Variants in TFB1M observed in about 807,000 individuals in gnomAD.
The protein encoded by TFB1M is dimethyladenosine transferase 1, mitochondrial.
A neutral mutation model predicts 31.1 loss-of-function variants in TFB1M; 27 were observed. The ratio of observed to expected loss-of-function variants is 0.87; its 90% confidence interval spans 0.64 to 1.20. The LOEUF (loss-of-function observed/expected upper bound fraction) is 1.20, where lower values mean the gene tolerates loss of function less well. Ranked by LOEUF, TFB1M falls within the 50% of genes most tolerant of loss-of-function variation. The probability of loss-of-function intolerance (pLI) is 0.00; values close to 1 mark genes in which losing one functional copy is unlikely to be tolerated. For synonymous variants in TFB1M, 166 were observed against 151.8 expected, an observed-to-expected ratio of 1.09 and a Z score of -0.69; for missense variants, 394 against 418.7, an observed-to-expected ratio of 0.94 and a Z score of 0.51.
Position 155,285,389 on chromosome 6 carries a change from T to C in TFB1M, c.547-112A>G. The stretch of plus-strand genomic sequence containing the variant: ...ACTAGGTGGACTTTTTGAGGCAAAT[T>C]TGAAAAGAATGGGCTATCTGACACA... On this transcript the variant is annotated intron_variant, in intron 4 of 6. Transcript: ENST00000367166. 3.1e-6 allele frequency: 4 copies of C among 1,276,288 alleles called. No homozygotes were observed. The African/African-American group carries it at 4.4e-5, about 14-fold the overall frequency. 79.1% of individuals were successfully genotyped at this position (1,276,288 alleles called of 1,614,324 possible).
chr6:155,292,467 A>G (rs888726731), intron 4 of TFB1M, among the ~76,000 whole-genome samples: 1 of 152,132 alleles, frequency 6.6e-6, no homozygotes, highest in Admixed American at 6.5e-5. Flanking sequence ...CACATGGCTC[A>G]AGAGGCCTTG....
chr6:155,253,344 G>A (rs3011896), downstream of TFB1M: 123,828 of 344,410 alleles, frequency 0.36, 24,546 homozygotes, highest in Middle Eastern at 0.48. Flanking sequence ...TGTGTTAGAA[G>A]AACAAAGATC....
the TFB1M span, chr6:155,248,092 G>A: frequency 5.0e-6 from 8 of 1,614,226 alleles, no homozygotes; most frequent in South Asian, 2.2e-5. Flanking sequence ...CATCAAGCCG[G>A]TTCAGAGAGT....
the TFB1M span, chr6:155,240,505 T>G: frequency 6.3e-7 from 1 of 1,585,662 alleles, no homozygotes; most frequent in Non-Finnish European, 8.6e-7. Flanking sequence ...CCGTGCATTA[T>G]TTTCCACCTC....
downstream of TFB1M, chr6:155,253,964 T>C (rs192121411): frequency 3.1e-6 from 5 of 1,609,246 alleles, no homozygotes; most frequent in Non-Finnish European, 4.2e-6. Flanking sequence ...TCCATTTCCT[T>C]TTACATAGGG....
chr6:155,248,286 T>C, the TFB1M span: 1 of 1,303,406 alleles, frequency 7.7e-7, no homozygotes, highest in East Asian at 2.5e-5. Flanking sequence ...TAGTGGCACG[T>C]CCTAAGTCAC....
intron 5 of TFB1M, among the ~76,000 whole-genome samples, chr6:155,282,345 T>C (rs1466049371): frequency 6.6e-6 from 1 of 152,230 alleles, no homozygotes; most frequent in African/African-American, 2.4e-5. Context: ...GTGAAAGTTC[T>C]GCCATTAAAG....
chr6:155,292,307 AGGAGAG>A (rs1205460145), intron 4 of TFB1M, among the ~76,000 whole-genome samples: 1 of 152,166 alleles, frequency 6.6e-6, no homozygotes, highest in Admixed American at 6.5e-5. Context: ...AGACAGGAAC[AGGAGAG>A]GGAGAGAGAA....
chr6:155,240,805 CT>C, the TFB1M span: 1 of 1,303,486 alleles, frequency 7.7e-7, no homozygotes. Flanking sequence ...CCCAGGACAC[CT>C]GCCACTCCCC....
Position 155,257,669 on chromosome 6 carries a change from T to TTGA in TFB1M, c.*164_*166dup. 2 of 715,196 alleles carry TTGA rather than the reference T, an allele frequency of 2.8e-6. No individual in the cohort carries two copies. The highest frequency in any genetic ancestry group is 4.6e-6 in the Non-Finnish European group (2 of 432,702). The allele number at this position is 715,196 out of a possible 1,614,324, so 44.3% of individuals were successfully genotyped here. A position where few individuals can be genotyped will look rare whatever the true frequency, so the allele number is the denominator to read the frequency against. The stretch of plus-strand genomic sequence containing the variant: ...AAAGAAAGCTTGTACTGTATCTTAT[T>TTGA]TGATGATATTTATTTTCTCTGCCAA... On this transcript the variant is annotated 3_prime_UTR_variant, in exon 7 of 7. Transcript: ENST00000367166.
At chr6:155,284,977 C>T (rs1023099313) in intron 5 of TFB1M, among the ~76,000 whole-genome samples, 181 bp downstream of exon 5, 3 of 152,138 alleles carry the variant, frequency 2.0e-5, no homozygotes, top group Non-Finnish European at 4.4e-5. Flanking sequence ...CTAAGGAGAA[C>T]AATTATAGTA....
At chr6:155,314,033 C>T (rs766447002) in intron 1 of TFB1M, 12 of 1,286,720 alleles carry the variant, frequency 9.3e-6, no homozygotes, top group Non-Finnish European at 1.2e-5. Flanking sequence ...TGAACCCTTC[C>T]TCCCCTAGGG....
chr6:155,242,915 T>C, the TFB1M span, among the ~76,000 whole-genome samples: 142 of 62,970 alleles, frequency 2.3e-3, no homozygotes, highest in South Asian at 2.7e-3. Flanking sequence ...TTTTTTTTTC[T>C]TTTTTTTAGT....
At chr6:155,271,678 C>A (rs770788273) in intron 5 of TFB1M, among the ~76,000 whole-genome samples, 1 of 152,124 alleles carries the variant, frequency 6.6e-6, no homozygotes, top group Non-Finnish European at 1.5e-5. Context: ...TTGCAAGGCA[C>A]GACATTGTTA....
At chr6:155,300,921 C>T (rs1164354265) in intron 2 of TFB1M, among the ~76,000 whole-genome samples, 1 of 152,098 alleles carries the variant, frequency 6.6e-6, no homozygotes, top group Non-Finnish European at 1.5e-5. Context: ...TCTCTTGCCT[C>T]AGCTTCCCTA....
At chr6:155,272,612 C>T (rs980750379) in intron 5 of TFB1M, among the ~76,000 whole-genome samples, 2 of 151,938 alleles carry the variant, frequency 1.3e-5, no homozygotes, top group Non-Finnish European at 2.9e-5. Context: ...GTATTATACT[C>T]GTGGCTGGAG....
chr6:155,248,067 G>C, the TFB1M span: 17 of 1,614,076 alleles, frequency 1.1e-5, no homozygotes, highest in African/African-American at 2.7e-5. Flanking sequence ...ATTCCTCCAC[G>C]CTGGAGTCCT....
At chr6:155,297,283 T>C (rs901921944) in intron 3 of TFB1M, among the ~76,000 whole-genome samples, 179 bp from the exon 4 acceptor site, 4 of 152,198 alleles carry the variant, frequency 2.6e-5, no homozygotes, top group Non-Finnish European at 5.9e-5. Context: ...ACAATCTGCT[T>C]TGGATTATTG....
chr6:155,252,297 C>A (rs1438326874), downstream of TFB1M, among the ~76,000 whole-genome samples: 2 of 152,106 alleles, frequency 1.3e-5, no homozygotes, highest in Non-Finnish European at 2.9e-5. Context: ...CATGGTGAAA[C>A]CCTGCCTCTA....
Sources: gnomAD v4.1 joint callset for allele counts (sites outside exome capture counted in the v4.1 genomes callset) on GRCh38, gnomAD v4.1.1 for gene constraint, MANE v1.5 for transcripts, NCBI Gene and HGNC (gene_info 2026-07-23, HGNC 2026-07-21) for gene names.